Variants in TMEM67 observed in about 807,000 individuals in gnomAD.
TMEM67 encodes meckelin.
TMEM67 carries 124 observed loss-of-function variants against 136.6 expected under a neutral mutation model. That is an observed-to-expected ratio of 0.91 (90% confidence interval 0.78 to 1.05). TMEM67 has a LOEUF of 1.05. TMEM67 is among the 50% of genes least tolerant of loss of function. The pLI is 0.00. For synonymous variants in TMEM67, 364 were observed against 390.5 expected, an observed-to-expected ratio of 0.93 and a Z score of 0.80; for missense variants, 1,107 against 1,178.4, an observed-to-expected ratio of 0.94 and a Z score of 0.89.
rs1407345538 is a variant in TMEM67 at position 93,781,677 on chromosome 8, T to C, written c.998T>C (p.Val333Ala). 6.2e-7 allele frequency: 1 copy of C among 1,604,956 alleles called. No homozygotes were observed. The highest frequency in any genetic ancestry group is 1.7e-5 in the Admixed American group (1 of 59,460). The change falls in exon 10 of 28, where the codon GTT (valine) becomes GCT (alanine). Residue 333 changes from valine (V) to alanine (A), a missense_variant. Transcript: ENST00000453321. The part of the protein sequence containing the change: ...GENQNTKLKF[V>A]AASYDIRGNF... The stretch of plus-strand genomic sequence containing the variant: ...AATCAGAATACAAAACTGAAGTTTG[T>C]TGCTGCTTCCTATGATATAAGAGGA...
intron 14 of TMEM67, 83 bp downstream of exon 14, chr8:93,788,032 TC>T (rs1814195082): frequency 7.8e-6 from 8 of 1,023,014 alleles, no homozygotes; most frequent in Non-Finnish European, 7.5e-6. Context: ...CAAAAGACAG[TC>T]TTTTTTTTTT....
chr8:93,769,162 G>A lies in TMEM67; in HGVS notation c.652-3427G>A, dbSNP rs1167432775. ...GGTCTAGCAGAACCAACACTGGCGC[G>A]GGCAGGGAAGGGCAGCCTGATGGGC... On this transcript the variant is annotated intron_variant, in intron 6 of 27. Coordinates refer to ENST00000453321, the MANE Select transcript of TMEM67 (RefSeq NM_153704.6). 2.0e-5 allele frequency among the ~76,000 whole-genome samples: 3 copies of A among 152,212 alleles called. No individual in the cohort carries two copies. The East Asian group carries it at 5.8e-4, about 30-fold the overall frequency.
At chr8:93,809,243 A>C (rs1808596322) in intron 25 of TMEM67, 82 bp downstream of exon 25, 1 of 829,364 alleles carries the variant, frequency 1.2e-6, no homozygotes, top group East Asian at 2.4e-5. Context: ...TTATTTCTTC[A>C]AGTCAACCAA....
At chr8:93,782,835 G>A (rs534911560) in intron 11 of TMEM67, among the ~76,000 whole-genome samples, 137 of 151,842 alleles carry the variant, frequency 9.0e-4, no homozygotes, top group Admixed American at 2.3e-3. Context: ...TCAGCCTCCC[G>A]AAGTGCTGAG....
chr8:93,825,713 G>A, the TMEM67 span, among the ~76,000 whole-genome samples: 1 of 152,346 alleles, frequency 6.6e-6, no homozygotes, highest in South Asian at 2.1e-4. Context: ...GGTCAAGAGG[G>A]AAGAATTTTC....
At chr8:93,768,143 G>A (rs1024994443) in intron 6 of TMEM67, among the ~76,000 whole-genome samples, 9 of 151,856 alleles carry the variant, frequency 5.9e-5, no homozygotes, top group African/African-American at 1.9e-4. Context: ...TGGGATTACA[G>A]GCATGAGCCA....
intron 11 of TMEM67, among the ~76,000 whole-genome samples, chr8:93,783,690 A>C (rs1813956768): frequency 1.3e-5 from 2 of 152,220 alleles, no homozygotes; most frequent in Admixed American, 6.5e-5. Flanking sequence ...CTCACAGTTC[A>C]CTATGGCTGA....
At chr8:93,819,618 C>T (rs1433208836), downstream of TMEM67, among the ~76,000 whole-genome samples, 34 of 152,112 alleles carry the variant, frequency 2.2e-4, no homozygotes, top group Admixed American at 2.2e-3. Context: ...AACTGTACTT[C>T]TGGGTCATCA....
intron 6 of TMEM67, among the ~76,000 whole-genome samples, chr8:93,770,694 A>G (rs1813290908): frequency 6.6e-6 from 1 of 152,176 alleles, no homozygotes; most frequent in African/African-American, 2.4e-5. Flanking sequence ...AATGTCTGTC[A>G]GGTTGTCCAG....
At chr8:93,771,275 AT>A (rs1813321577) in intron 6 of TMEM67, among the ~76,000 whole-genome samples, 1 of 149,712 alleles carries the variant, frequency 6.7e-6, no homozygotes, top group Non-Finnish European at 1.5e-5. Context: ...AAAAAGCTTT[AT>A]TATGAACTGT....
At chr8:93,810,258 C>T (rs1438322941) in intron 26 of TMEM67, among the ~76,000 whole-genome samples, 3 of 148,830 alleles carry the variant, frequency 2.0e-5, no homozygotes, top group Non-Finnish European at 4.5e-5. Context: ...CATGAGCCAC[C>T]ACCCCCAGCT....
At position 93,815,328 on chromosome 8, in the gene TMEM67, G is replaced by GT. The variant is rs771206308; in HGVS notation, c.2789dup (p.Leu931ProfsTer6). ...AGATGAAGGTTATTCTTTCAGCAGTGTCCTGTATTATGGAAATGAAGCTAC... is the reference window on the plus strand; with the variant it reads ...AGATGAAGGTTATTCTTTCAGCAGTGTTCCTGTATTATGGAAATGAAGCTAC... On this transcript the variant is annotated frameshift_variant, in exon 27 of 28. Coordinates refer to ENST00000453321, the MANE Select transcript of TMEM67 (RefSeq NM_153704.6). LOFTEE classifies it high-confidence loss of function. 1.3e-6 allele frequency: 2 copies of GT among 1,598,038 alleles called. No homozygotes were observed. The highest frequency in any genetic ancestry group is 1.7e-6 in the Non-Finnish European group (2 of 1,169,268).
At chr8:93,770,591 T>G (rs1363265805) in intron 6 of TMEM67, among the ~76,000 whole-genome samples, 1 of 152,218 alleles carries the variant, frequency 6.6e-6, no homozygotes, top group East Asian at 1.9e-4. Flanking sequence ...TTTTTCTGAT[T>G]GTTTTCTCAT....
chr8:93,767,852 A>ATTTCTTTT (rs1257868832), intron 6 of TMEM67, among the ~76,000 whole-genome samples: 134 of 130,448 alleles, frequency 1.0e-3, no homozygotes, highest in African/African-American at 3.7e-3. Flanking sequence ...GGAATCAGCC[A>ATTTCTTTT]TTTCTTTTTT....
In TMEM67 at chr8:93,754,923, G is replaced by A. The variant is rs774376361; in HGVS notation, c.9G>A (p.Thr3=). 2 of 1,613,824 alleles carry A rather than the reference G, an allele frequency of 1.2e-6. No homozygotes were observed. The highest frequency in any genetic ancestry group is 2.2e-5 in the South Asian group (2 of 91,062). Reference sequence around the variant, plus strand: ...CTTCCAGCGTCGGTACCATGGCGACGCGCGGTGGGGCTGGGGTGGCAATGG... The same window carrying A: ...CTTCCAGCGTCGGTACCATGGCGACACGCGGTGGGGCTGGGGTGGCAATGG... MA[T]RGGAGVAMAV... is the part of the protein sequence containing the mutation. Residue 3 remains threonine, a synonymous_variant, in exon 1 of 28, where the codon ACG becomes ACA. Coordinates refer to ENST00000453321, the MANE Select transcript of TMEM67 (RefSeq NM_153704.6).
chr8:93,815,167 G>A (rs2130799121), intron 26 of TMEM67, 138 bp from the exon 27 acceptor site: 3 of 516,436 alleles, frequency 5.8e-6, no homozygotes, highest in Middle Eastern at 1.0e-3. Flanking sequence ...GTTTATTTTT[G>A]TGTAAGCCAT....
chr8:93,755,180 G>A (rs1303725175), intron 1 of TMEM67, 43 bp downstream of exon 1: 2 of 1,544,656 alleles, frequency 1.3e-6, no homozygotes, highest in African/African-American at 1.4e-5. Flanking sequence ...TAACACTCCC[G>A]CCTTGGTCGG....
the TMEM67 span, among the ~76,000 whole-genome samples, chr8:93,826,288 C>A: frequency 1.3e-5 from 2 of 151,840 alleles, no homozygotes; most frequent in African/African-American, 2.4e-5. Flanking sequence ...CACCACCGCG[C>A]GTGGCTAGTT....
chr8:93,815,710 C>T (rs112658866), intron 27 of TMEM67, among the ~76,000 whole-genome samples: 151 of 152,268 alleles, frequency 9.9e-4, no homozygotes, highest in African/African-American at 3.1e-3. Flanking sequence ...TAGGAAGACA[C>T]TTAACTGCTA....
Sources: gnomAD v4.1 joint callset for allele counts (sites outside exome capture counted in the v4.1 genomes callset) on GRCh38, gnomAD v4.1.1 for gene constraint, MANE v1.5 for transcripts, NCBI Gene and HGNC (gene_info 2026-07-23, HGNC 2026-07-21) for gene names.